Variants in CEMIP2 observed in about 807,000 individuals in gnomAD.
CEMIP2 encodes cell surface hyaluronidase CEMIP2.
In CEMIP2, 79 loss-of-function variants were observed where a neutral mutation model predicts 146.9. The ratio of observed to expected loss-of-function variants is 0.54; its 90% CI spans 0.45 to 0.65. The LOEUF is 0.65. CEMIP2 is among the 30% of genes least tolerant of loss of function. The pLI is 0.00. For missense variants in CEMIP2, 1,596 were observed against 1,696.2 expected, an observed-to-expected ratio of 0.94 and a Z score of 1.04; for synonymous variants, 601 against 606.3, an observed-to-expected ratio of 0.99 and a Z score of 0.13.
intron 7 of CEMIP2, among the ~76,000 whole-genome samples, chr9:71,731,208 C>G (rs1823606709): frequency 6.6e-6 from 1 of 152,178 alleles, no homozygotes; most frequent in Admixed American, 6.5e-5. Flanking sequence ...ATATTTTGGT[C>G]ATTCCCAGTC....
At position 71,725,680 on chromosome 9, in the gene CEMIP2, C is replaced by T. The variant is rs1479615843; in HGVS notation, c.2079G>A (p.Lys693=). 1.2e-6 allele frequency: 2 copies of T among 1,613,840 alleles called. No homozygotes were observed. The highest frequency in any genetic ancestry group is 2.2e-5 in the South Asian group (2 of 91,060). The change falls in exon 11 of 24, where the codon AAG becomes AAA. Residue 693 remains lysine (K), a synonymous_variant. Coordinates refer to ENST00000377044, the MANE Select transcript of CEMIP2 (RefSeq NM_013390.3). The part of the protein sequence containing the change: ...QDAGIWYLFH[K]EPTGESSGLQ... ...ATCCACTGGATTCCCCAGTTGGTTC[C>T]TTGTGGAATAAATACCATATTCCAG...
At chr9:71,728,233 A>ATATACG (rs1823458980) in intron 10 of CEMIP2, among the ~76,000 whole-genome samples, 2 of 17,870 alleles carry the variant, frequency 1.1e-4, no homozygotes, top group African/African-American at 1.6e-4. Flanking sequence ...CTCTCTCTCT[A>ATATACG]TATATATATA....
chr9:71,750,052 C>T lies in CEMIP2; in HGVS notation c.322G>A (p.Ala108Thr). Residue 108 changes from alanine (A) to threonine (T), a missense_variant, in exon 2 of 24, where the codon GCT becomes ACT. Coordinates refer to ENST00000377044, the MANE Select transcript of CEMIP2 (RefSeq NM_013390.3). Reference sequence around the variant, plus strand: ...ATATACACACACTTACCATCTGGAGCATATTTTGAGGATATTCCTAAAATG... The same window carrying T: ...ATATACACACACTTACCATCTGGAGTATATTTTGAGGATATTCCTAAAATG... ...AIILGISSKY[A>T]PDENCPDQNP... is the part of the protein sequence containing the mutation. The T allele has an allele frequency of 6.3e-7, 1 of 1,599,782 alleles. No individual in the cohort carries two copies. The highest frequency in any genetic ancestry group is 1.7e-4 in the Middle Eastern group (1 of 5,968).
chr9:71,690,131 C>A lies in CEMIP2; in HGVS notation c.3812G>T (p.Ser1271Ile), dbSNP rs1822182272. The change falls in exon 22 of 24, where the codon AGT becomes ATT. Residue 1271 changes from serine (S) to isoleucine (I), a missense_variant. Transcript: ENST00000377044. ...EKTVFPLADV[S>I]RIEEYLKTGI... ...TGTTTTTAAATACTCTTCAATGCGA[C>A]TGACATCAGCAAGAGGAAAAACCGT... is the stretch of plus-strand genomic sequence containing the variant. 2 of 1,614,166 alleles carry A rather than the reference C, an allele frequency of 1.2e-6. No individual in the cohort carries two copies. The highest frequency in any genetic ancestry group is 1.7e-6 in the Non-Finnish European group (2 of 1,180,008).
At chr9:71,738,217 T>C (rs1427438776) in intron 5 of CEMIP2, among the ~76,000 whole-genome samples, 1 of 152,132 alleles carries the variant, frequency 6.6e-6, no homozygotes, top group Non-Finnish European at 1.5e-5. Context: ...AGAAACATTC[T>C]TTTTTTCATA....
intron 12 of CEMIP2, among the ~76,000 whole-genome samples, chr9:71,721,797 A>G (rs1211379583): frequency 6.6e-6 from 1 of 152,342 alleles, no homozygotes; most frequent in East Asian, 1.9e-4. Context: ...CATCTTTTCC[A>G]GAAAAGTTTA....
chr9:71,756,997 C>T (rs1824479669), intron 1 of CEMIP2, among the ~76,000 whole-genome samples: 1 of 152,196 alleles, frequency 6.6e-6, no homozygotes, highest in Non-Finnish European at 1.5e-5. Context: ...CTAGTAGGAG[C>T]TCTTTAAAAG....
At chr9:71,718,113 A>C in intron 12 of CEMIP2, 34 bp from the exon 13 acceptor site, 6 of 1,579,128 alleles carry the variant, frequency 3.8e-6, no homozygotes, top group Non-Finnish European at 5.2e-6. Context: ...AAAAAATATA[A>C]CATAAAAGCC....
intron 21 of CEMIP2, among the ~76,000 whole-genome samples, chr9:71,693,211 G>C (rs1822285123): frequency 6.6e-6 from 1 of 152,152 alleles, no homozygotes; most frequent in Non-Finnish European, 1.5e-5. Flanking sequence ...AAAAAACCAA[G>C]CCCCTAAAAA....
Position 71,751,529 on chromosome 9 carries a change from C to T in CEMIP2, c.-12-1144G>A, listed in dbSNP as rs144020535. 1.2e-4 allele frequency among the ~76,000 whole-genome samples: 18 copies of T among 152,276 alleles called. No homozygotes were observed. In the East Asian group the frequency reaches 2.7e-3, roughly 23 times the overall value. ...TTCTCATGAACATCTAGGTGAGAGC[C>T]GCTGTTCTATGCCAACTGTTCTCAA... On this transcript the variant is annotated intron_variant, in intron 1 of 23. Transcript: ENST00000377044.
In CEMIP2 at chr9:71,734,213, TG is replaced by T. The variant is rs1326928396; in HGVS notation, c.1393+592del. 5.3e-5 allele frequency among the ~76,000 whole-genome samples: 8 copies of T among 150,810 alleles called. 1 individual carries two copies. Among genetic ancestry groups the T allele is most frequent in the African/African-American group, 1.9e-4 (8 of 41,282 alleles). On this transcript the variant is annotated intron_variant, in intron 6 of 23. Transcript: ENST00000377044. Reference sequence around the variant, plus strand: ...TTAAATATCAATGAGTTTTTGTTTTTGTTTTTGTTTTTGGTAATCAAATAGG... The same window carrying T: ...TTAAATATCAATGAGTTTTTGTTTTTTTTTTGTTTTTGGTAATCAAATAGG...
At position 71,704,775 on chromosome 9, in the gene CEMIP2, T is replaced by C. The variant is rs1419272368; in HGVS notation, c.3014A>G (p.Asn1005Ser). ...QVYVQTWSTQ[N>S]LSMTITRDEY... Reference sequence around the variant, plus strand: ...ATCTCGTGTAATGGTCATAGAAAGATTCTGAGTGCTCCATGTCTGTACATA... The same window carrying C: ...ATCTCGTGTAATGGTCATAGAAAGACTCTGAGTGCTCCATGTCTGTACATA... Residue 1005 changes from asparagine (N) to serine (S), a missense_variant, in exon 18 of 24, where the codon AAT (asparagine) becomes AGT (serine). Asn to Ser is a conservative substitution (Grantham distance 46). Coordinates refer to ENST00000377044, the MANE Select transcript of CEMIP2 (RefSeq NM_013390.3). 1.9e-5 allele frequency: 30 copies of C among 1,614,000 alleles called. No individual in the cohort carries two copies. Among genetic ancestry groups the C allele is most frequent in the Non-Finnish European group, 2.4e-5 (28 of 1,180,010 alleles).
chr9:71,743,744 G>A (rs1823991379), intron 4 of CEMIP2, among the ~76,000 whole-genome samples: 1 of 152,100 alleles, frequency 6.6e-6, no homozygotes, highest in Non-Finnish European at 1.5e-5. Context: ...TGGGTATCCA[G>A]CACTTAGCAT....
chr9:71,743,787 T>A (rs539841447), intron 4 of CEMIP2, among the ~76,000 whole-genome samples: 2 of 152,328 alleles, frequency 1.3e-5, no homozygotes, highest in South Asian at 4.1e-4. Context: ...ATAAAAGCCA[T>A]TTCTAAAATG....
chr9:71,738,466 A>C (rs1316702418), intron 5 of CEMIP2, among the ~76,000 whole-genome samples: 1 of 152,106 alleles, frequency 6.6e-6, no homozygotes, highest in Non-Finnish European at 1.5e-5. Flanking sequence ...AGTGAGCGAC[A>C]ATCGCACCAC....
At chr9:71,694,177 C>T (rs1173066288) in intron 21 of CEMIP2, among the ~76,000 whole-genome samples, 1 of 151,838 alleles carries the variant, frequency 6.6e-6, no homozygotes, top group East Asian at 1.9e-4. Flanking sequence ...GGCTGGAGTG[C>T]AGTGGCGCGA....
chr9:71,767,013 A>T (rs62544898), intron 1 of CEMIP2, among the ~76,000 whole-genome samples: 36,020 of 152,138 alleles, frequency 0.24, 4,458 homozygotes, highest in Non-Finnish European at 0.26. Context: ...CCTACTACAC[A>T]TTCTTCTGCT....
intron 13 of CEMIP2, 33 bp downstream of exon 13, chr9:71,717,915 T>C (rs1285715721): frequency 6.4e-7 from 1 of 1,573,438 alleles, no homozygotes; most frequent in Non-Finnish European, 8.6e-7. Context: ...TACATCAGTG[T>C]CATCATATAA....
In CEMIP2 at chr9:71,698,036, C is replaced by T. The variant is rs775249048; in HGVS notation, c.3546G>A (p.Lys1182=). The T allele has an allele frequency of 2.5e-6, 4 of 1,614,084 alleles. No individual in the cohort carries two copies. In the East Asian group the frequency reaches 8.9e-5, roughly 36 times the overall value. ...GTCCAGTGAGCATGGCCGGCATCCGCTTGACCACTGACGGCTTTCTGTAGT... is the reference window on the plus strand; with the variant it reads ...GTCCAGTGAGCATGGCCGGCATCCGTTTGACCACTGACGGCTTTCTGTAGT... ...PQYYRKPSVV[K]RMPAMLTGLC... Residue 1182 remains lysine (K), a synonymous_variant, in exon 20 of 24, where the codon AAG becomes AAA. Coordinates refer to ENST00000377044, the MANE Select transcript of CEMIP2 (RefSeq NM_013390.3).
Sources: gnomAD v4.1 joint callset for allele counts (sites outside exome capture counted in the v4.1 genomes callset) on GRCh38, gnomAD v4.1.1 for gene constraint, MANE v1.5 for transcripts, NCBI Gene and HGNC (gene_info 2026-07-23, HGNC 2026-07-21) for gene names.